The following PHEX variants were observed in gnomAD, a reference collection of about 807,000 sequenced individuals.
PHEX encodes phosphate-regulating neutral endopeptidase PHEX.
Under a neutral mutation model 68.0 loss-of-function variants are expected in PHEX, and 16 were observed. That is an observed-to-expected ratio of 0.24 (90% CI 0.16 to 0.36). The LOEUF is 0.36. Among genes scored for constraint, PHEX ranks in the 10% least tolerant of loss-of-function variants. PHEX has a pLI of 1.00. For missense variants in PHEX, 480 were observed against 575.5 expected (o/e 0.83, Z 1.70); for synonymous variants, 208 against 205.1 (o/e 1.01, Z -0.12).
intron 3 of PHEX, among the ~76,000 whole-genome samples, chrX:22,074,414 T>C (rs6629448): frequency 0.073 from 8,088 of 110,389 alleles, 459 homozygotes; most frequent in African/African-American, 0.19. Flanking sequence ...TATTTGTGCA[T>C]GGTTAGTGTT....
chrX:22,231,415 T>C (rs1935731976), intron 20 of PHEX, among the ~76,000 whole-genome samples: 1 of 111,885 alleles, frequency 8.9e-6, no homozygotes, highest in Non-Finnish European at 1.9e-5. Context: ...CTTTTTTTGG[T>C]TGGTAGGCTA....
rs1392614566 is a variant in PHEX, at chrX:22,219,094, GATA to G, written c.1765_1767del (p.Asn589del). The G allele has an allele frequency of 8.7e-7, 1 of 1,154,684 alleles. No individual in the cohort carries two copies. Among genetic ancestry groups the G allele is most frequent in the African/African-American group, 1.8e-5 (1 of 56,854 alleles). ...CGGACATGAATTTACACATGGATTTGATAATAATGGTAAGTACCGGTTCATTTT... is the reference window on the plus strand; with the variant it reads ...CGGACATGAATTTACACATGGATTTGATAATGGTAAGTACCGGTTCATTTT... On this transcript the variant is annotated inframe_deletion, in exon 17 of 22. Coordinates refer to ENST00000379374, the MANE Select transcript of PHEX (RefSeq NM_000444.6).
chrX:22,197,416 G>C (rs1934400588), intron 15 of PHEX, among the ~76,000 whole-genome samples: 1 of 111,118 alleles, frequency 9.0e-6, no homozygotes, highest in South Asian at 3.9e-4. Flanking sequence ...TGTGGCTTTT[G>C]TTTTTTGGAT....
At chrX:22,124,114 AG>A (rs746353673) in intron 11 of PHEX, among the ~76,000 whole-genome samples, 9 of 111,269 alleles carry the variant, frequency 8.1e-5, no homozygotes, top group Middle Eastern at 4.2e-3. Context: ...TACAGGCATG[AG>A]CCACCATGCC....
At chrX:22,130,670 A>C (rs767945163) in intron 11 of PHEX, among the ~76,000 whole-genome samples, 9 of 109,121 alleles carry the variant, frequency 8.2e-5, no homozygotes, top group African/African-American at 2.7e-4. Flanking sequence ...ATTGTGACTT[A>C]TGCATCTCTC....
At chrX:22,113,999 G>T (rs1433841231) in intron 10 of PHEX, among the ~76,000 whole-genome samples, 1 of 93,922 alleles carries the variant, frequency 1.1e-5, no homozygotes, top group Non-Finnish European at 2.1e-5. Flanking sequence ...GCCCAGGCTG[G>T]AGTGCAGTGG....
intron 14 of PHEX, among the ~76,000 whole-genome samples, chrX:22,186,084 A>AGATAG (rs1440799038): frequency 9.0e-6 from 1 of 111,664 alleles, no homozygotes; most frequent in Non-Finnish European, 1.9e-5. Flanking sequence ...AGTTACAGTC[A>AGATAG]GATAGTGGCT....
At chrX:22,182,795 C>T (rs1280958009) in intron 14 of PHEX, among the ~76,000 whole-genome samples, 1 of 111,845 alleles carries the variant, frequency 8.9e-6, no homozygotes, top group Non-Finnish European at 1.9e-5. Flanking sequence ...GCTGATTTCC[C>T]AGCCAGCCTT....
At chrX:22,237,860 C>A (rs1460009891) in intron 20 of PHEX, among the ~76,000 whole-genome samples, 1 of 112,568 alleles carries the variant, frequency 8.9e-6, no homozygotes, top group Non-Finnish European at 1.9e-5. Flanking sequence ...TATCATACCT[C>A]AAGTCATATG....
intron 14 of PHEX, among the ~76,000 whole-genome samples, chrX:22,181,252 C>G (rs994128729): frequency 2.7e-5 from 3 of 112,002 alleles, no homozygotes; most frequent in Middle Eastern, 4.6e-3. Context: ...TCTCAACAAC[C>G]TCACCAGAAT....
chrX:22,199,412 C>G (rs1030294710), intron 15 of PHEX, among the ~76,000 whole-genome samples: 1 of 112,089 alleles, frequency 8.9e-6, no homozygotes, highest in East Asian at 2.8e-4. Flanking sequence ...TTCATTGTTT[C>G]AGTTACCTAT....
chrX:22,139,791 C>T (rs1260643486), intron 12 of PHEX, among the ~76,000 whole-genome samples: 9 of 109,569 alleles, frequency 8.2e-5, no homozygotes, highest in African/African-American at 3.0e-4. Context: ...CCGCCAGCTA[C>T]AGCCTCCCAA....
At chrX:22,038,221 G>A (rs1241410420) in intron 1 of PHEX, among the ~76,000 whole-genome samples, 1 of 110,658 alleles carries the variant, frequency 9.0e-6, no homozygotes, top group Admixed American at 9.6e-5. Flanking sequence ...AGGAGCTCTG[G>A]TCTAGTTATA....
intron 20 of PHEX, among the ~76,000 whole-genome samples, chrX:22,243,875 G>A (rs750746519): frequency 8.9e-6 from 1 of 112,127 alleles, no homozygotes; most frequent in Non-Finnish European, 1.9e-5. Context: ...ACAGTGTGGC[G>A]ATTCCTCAAG....
chrX:22,158,928 T>A (rs945945077), intron 12 of PHEX, among the ~76,000 whole-genome samples: 4 of 112,594 alleles, frequency 3.6e-5, no homozygotes, highest in African/African-American at 1.3e-4. Flanking sequence ...TCTCTTCAAA[T>A]AATAATCTTT....
chrX:22,149,297 A>C (rs1478379662), intron 12 of PHEX, among the ~76,000 whole-genome samples: 1 of 112,301 alleles, frequency 8.9e-6, no homozygotes, highest in Non-Finnish European at 1.9e-5. Flanking sequence ...ACTGAGTGGA[A>C]TAGACCTGTT....
At chrX:22,164,332 T>C (rs1191627318) in intron 12 of PHEX, among the ~76,000 whole-genome samples, 1 of 112,091 alleles carries the variant, frequency 8.9e-6, no homozygotes, top group Non-Finnish European at 1.9e-5. Flanking sequence ...AGAAGAACAC[T>C]CTCTTCAGAT....
intron 16 of PHEX, among the ~76,000 whole-genome samples, chrX:22,216,368 G>A (rs1363717851): frequency 1.8e-5 from 2 of 111,779 alleles, no homozygotes; most frequent in African/African-American, 6.5e-5. Flanking sequence ...AACTGAGTAG[G>A]TAGTAAAAGT....
At chrX:22,107,863 T>A (rs181468226) in intron 9 of PHEX, among the ~76,000 whole-genome samples, 48 of 111,889 alleles carry the variant, frequency 4.3e-4, no homozygotes, top group African/African-American at 1.3e-3. Flanking sequence ...GAACTGTTAG[T>A]ATATATGTGG....
Sources: allele counts gnomAD v4.1 joint callset (sites outside exome capture counted in the v4.1 genomes callset), GRCh38; gene constraint gnomAD v4.1.1; transcripts MANE v1.5; gene names NCBI Gene and HGNC (gene_info 2026-07-23, HGNC 2026-07-21).